Variants in CACNA2D3 observed in about 807,000 individuals in gnomAD.
The protein encoded by CACNA2D3 is calcium voltage-gated channel auxiliary subunit alpha2delta 3.
In CACNA2D3, 60 loss-of-function variants were observed where a neutral mutation model predicts 160.6. The ratio of observed to expected loss-of-function variants is 0.37; its 90% CI spans 0.30 to 0.46. The LOEUF (loss-of-function observed/expected upper bound fraction) is 0.46, where lower values mean the gene tolerates loss of function less well. Ranked by LOEUF, CACNA2D3 falls within the 20% of genes least tolerant of loss-of-function variation. The pLI, the probability that CACNA2D3 is intolerant of heterozygous loss-of-function variation, is 1.00. For missense variants in CACNA2D3, 1,205 were observed against 1,365.0 expected, an observed-to-expected ratio of 0.88 and a Z score of 1.85; for synonymous variants, 558 against 492.9, an observed-to-expected ratio of 1.13 and a Z score of -1.75.
At chr3:54,405,541 CCTTAT>C (rs1257000140) in intron 4 of CACNA2D3, among the ~76,000 whole-genome samples, 3 of 151,892 alleles carry the variant, frequency 2.0e-5, no homozygotes, top group African/African-American at 7.2e-5. Flanking sequence ...GAAATTGGAC[CCTTAT>C]CTTATATACA....
chr3:54,761,242 A>T (rs935054762), intron 12 of CACNA2D3, among the ~76,000 whole-genome samples: 1 of 152,142 alleles, frequency 6.6e-6, no homozygotes, highest in Non-Finnish European at 1.5e-5. Flanking sequence ...GTCTGGGCCC[A>T]AGAGCACAGG....
intron 27 of CACNA2D3, among the ~76,000 whole-genome samples, chr3:54,913,966 T>C (rs998447563): frequency 2.6e-5 from 4 of 152,220 alleles, no homozygotes; most frequent in African/African-American, 9.6e-5. Context: ...CAGTAAATGC[T>C]GATAATGGTG....
At position 54,560,199 on chromosome 3, in the gene CACNA2D3, C is replaced by G. The variant is rs575029760; in HGVS notation, c.545-2601C>G. On this transcript the variant is annotated intron_variant, in intron 5 of 37. Coordinates refer to ENST00000474759, the MANE Select transcript of CACNA2D3 (RefSeq NM_018398.3). The stretch of plus-strand genomic sequence containing the variant: ...ATGGTTGAACTAATTTACACCCCCA[C>G]CAACAGTGTAAAAGTGTTCCTTTTT... Among the ~76,000 whole-genome samples the G allele has an allele frequency of 2.0e-5, 3 of 152,352 alleles. No individual in the cohort carries two copies. In the East Asian group the frequency reaches 5.8e-4, roughly 29 times the overall value.
At chr3:54,852,978 T>C (rs1189109573) in intron 17 of CACNA2D3, among the ~76,000 whole-genome samples, 1 of 141,014 alleles carries the variant, frequency 7.1e-6, no homozygotes, top group Non-Finnish European at 1.5e-5. Context: ...ACTATGCAAT[T>C]CCGCAACTGA....
intron 34 of CACNA2D3, among the ~76,000 whole-genome samples, chr3:55,015,317 T>C (rs894972347): frequency 1.3e-5 from 2 of 152,246 alleles, no homozygotes; most frequent in Non-Finnish European, 2.9e-5. Context: ...TTGGGCAATT[T>C]ACCCTCATTC....
intron 11 of CACNA2D3, among the ~76,000 whole-genome samples, chr3:54,709,003 A>G (rs1184210182): frequency 1.5e-5 from 2 of 137,564 alleles, no homozygotes; most frequent in Non-Finnish European, 3.1e-5. Flanking sequence ...TTCTATACCC[A>G]TCTTCATCTT....
intron 2 of CACNA2D3, among the ~76,000 whole-genome samples, chr3:54,135,138 C>T (rs561670757): frequency 1.3e-5 from 2 of 152,228 alleles, no homozygotes; most frequent in African/African-American, 4.8e-5. Flanking sequence ...AAGATGTGTG[C>T]GTGGTGTTTG....
intron 2 of CACNA2D3, among the ~76,000 whole-genome samples, chr3:54,182,961 T>C (rs377211605): frequency 3.9e-5 from 6 of 152,228 alleles, no homozygotes; most frequent in African/African-American, 1.2e-4. Context: ...CAGCACATTA[T>C]GACATTTCTT....
chr3:54,326,205 G>A (rs558338472), intron 3 of CACNA2D3, among the ~76,000 whole-genome samples: 9 of 152,214 alleles, frequency 5.9e-5, no homozygotes, highest in African/African-American at 2.2e-4. Context: ...CCTAGGAAAC[G>A]AATATCAGTA....
intron 3 of CACNA2D3, among the ~76,000 whole-genome samples, chr3:54,323,721 C>G (rs1048639610): frequency 1.3e-5 from 2 of 152,202 alleles, no homozygotes; most frequent in Non-Finnish European, 2.9e-5. Context: ...CTGCCTTGGC[C>G]TCCCAAAGTG....
intron 11 of CACNA2D3, among the ~76,000 whole-genome samples, chr3:54,715,253 T>C (rs1226432750): frequency 1.3e-5 from 2 of 152,116 alleles, no homozygotes; most frequent in Admixed American, 1.3e-4. Flanking sequence ...AATGTACACG[T>C]TTATTATAAA....
intron 13 of CACNA2D3, among the ~76,000 whole-genome samples, chr3:54,774,740 T>C (rs1702393551): frequency 6.7e-6 from 1 of 150,336 alleles, no homozygotes; most frequent in Non-Finnish European, 1.5e-5. Flanking sequence ...GTTCAAGTGA[T>C]TCTCCTGCCT....
At chr3:54,819,701 C>T (rs150163271) in intron 14 of CACNA2D3, among the ~76,000 whole-genome samples, 9 of 152,042 alleles carry the variant, frequency 5.9e-5, no homozygotes, top group African/African-American at 1.2e-4. Flanking sequence ...AAAAATTAGC[C>T]GGGCGTGGTG....
intron 2 of CACNA2D3, among the ~76,000 whole-genome samples, chr3:54,164,966 G>A (rs1279376003): frequency 1.3e-5 from 2 of 152,330 alleles, no homozygotes; most frequent in East Asian, 3.9e-4. Flanking sequence ...AGGGGGATCA[G>A]TAAGCAGTTT....
At chr3:54,746,849 A>G (rs572110823) in intron 11 of CACNA2D3, among the ~76,000 whole-genome samples, 1 of 152,338 alleles carries the variant, frequency 6.6e-6, no homozygotes, top group East Asian at 1.9e-4. Flanking sequence ...CTCAGCAGCT[A>G]CAGACAGCTG....
chr3:54,255,569 G>C (rs1702276400), intron 2 of CACNA2D3, among the ~76,000 whole-genome samples: 1 of 152,104 alleles, frequency 6.6e-6, no homozygotes, highest in Non-Finnish European at 1.5e-5. Flanking sequence ...CAATTCCTGG[G>C]CTATCTTTCC....
At chr3:54,864,416 G>C (rs552330424) in intron 17 of CACNA2D3, among the ~76,000 whole-genome samples, 1 of 152,238 alleles carries the variant, frequency 6.6e-6, no homozygotes, top group South Asian at 2.1e-4. Flanking sequence ...TAGGACTACG[G>C]CACACACCAC....
chr3:55,043,313 C>G (rs1703997804), intron 35 of CACNA2D3, among the ~76,000 whole-genome samples: 1 of 149,798 alleles, frequency 6.7e-6, no homozygotes, highest in African/African-American at 2.5e-5. Flanking sequence ...TTGCTCCCTC[C>G]CTCCCTCCCT....
At chr3:54,410,691 GC>G (rs1243554125) in intron 4 of CACNA2D3, among the ~76,000 whole-genome samples, 1 of 150,070 alleles carries the variant, frequency 6.7e-6, no homozygotes, top group Non-Finnish European at 1.5e-5. Flanking sequence ...CAACCTAAGA[GC>G]TTTGCTGGGG....
Sources: gnomAD v4.1 joint callset for allele counts (sites outside exome capture counted in the v4.1 genomes callset) on GRCh38, gnomAD v4.1.1 for gene constraint, MANE v1.5 for transcripts, NCBI Gene and HGNC (gene_info 2026-07-23, HGNC 2026-07-21) for gene names.